Variants in MAN1A2 observed in about 807,000 individuals in gnomAD.
The protein encoded by MAN1A2 is mannosyl-oligosaccharide 1,2-alpha-mannosidase IB.
In MAN1A2, 26 loss-of-function variants were observed where a neutral mutation model predicts 75.7. The ratio of observed to expected loss-of-function variants is 0.34; its 90% CI spans 0.25 to 0.48. The LOEUF is 0.48. Among genes scored for constraint, MAN1A2 ranks in the 20% least tolerant of loss-of-function variants. The pLI is 0.99. For synonymous variants in MAN1A2, 247 were observed against 264.6 expected (o/e 0.93, Z 0.65); for missense variants, 562 against 775.5 (o/e 0.72, Z 3.27).
At chr1:117,514,774 G>A in intron 12 of MAN1A2, 1 of 526,282 alleles carries the variant, frequency 1.9e-6, no homozygotes, top group South Asian at 1.4e-5. Flanking sequence ...GGAAAAAACG[G>A]TTAGAGAAGA....
chr1:117,439,001 A>G (rs1014745711), intron 5 of MAN1A2, among the ~76,000 whole-genome samples: 1 of 152,250 alleles, frequency 6.6e-6, no homozygotes, highest in African/African-American at 2.4e-5. Flanking sequence ...TAGGGAGTCC[A>G]TGAAAAGGTA....
chr1:117,395,577 C>CA (rs1206876342), intron 1 of MAN1A2, among the ~76,000 whole-genome samples: 2 of 151,346 alleles, frequency 1.3e-5, no homozygotes, highest in Non-Finnish European at 2.9e-5. Context: ...GGACAAAACA[C>CA]AAAAAAACAA....
chr1:117,400,990 C>CTT (rs1331948587), intron 1 of MAN1A2, among the ~76,000 whole-genome samples: 10 of 152,144 alleles, frequency 6.6e-5, no homozygotes, highest in Admixed American at 1.3e-4. Flanking sequence ...ACCTGAAACT[C>CTT]TGTCTGTACC....
chr1:117,451,963 G>A (rs549451858), intron 6 of MAN1A2, among the ~76,000 whole-genome samples: 2 of 152,160 alleles, frequency 1.3e-5, no homozygotes, highest in East Asian at 1.9e-4. Flanking sequence ...ACTCCAGCCT[G>A]GGGGACAGAG....
intron 1 of MAN1A2, among the ~76,000 whole-genome samples, chr1:117,379,194 C>T (rs763536682): frequency 1.3e-5 from 2 of 151,594 alleles, no homozygotes; most frequent in African/African-American, 4.8e-5. Context: ...TATATTTTTC[C>T]GTATGGGTAT....
rs1173999168 is a variant in MAN1A2, at chr1:117,474,604, A to G, written c.1168+8177A>G. Reference sequence around the variant, plus strand: ...GTCTCAGTGTTTTAAAAACTGAGTCAAAACAACTAAATTGGTGGAGGTTAC... The same window carrying G: ...GTCTCAGTGTTTTAAAAACTGAGTCGAAACAACTAAATTGGTGGAGGTTAC... On this transcript the variant is annotated intron_variant, in intron 8 of 12. Transcript: ENST00000356554. 1.3e-5 allele frequency among the ~76,000 whole-genome samples: 2 copies of G among 151,030 alleles called. 1 individual carries two copies. Among genetic ancestry groups the G allele is most frequent in the African/African-American group, 4.9e-5 (2 of 40,518 alleles).
chr1:117,503,356 A>C (rs945581255), intron 12 of MAN1A2, among the ~76,000 whole-genome samples: 3 of 151,534 alleles, frequency 2.0e-5, no homozygotes, highest in Non-Finnish European at 4.4e-5. Context: ...TCCTGGACTC[A>C]TACCTGAGCT....
intron 12 of MAN1A2, among the ~76,000 whole-genome samples, chr1:117,516,256 G>A (rs1383646558): frequency 6.6e-6 from 1 of 152,090 alleles, no homozygotes; most frequent in Non-Finnish European, 1.5e-5. Flanking sequence ...AGGAAGAAAA[G>A]TAACTGATTA....
Position 117,405,721 on chromosome 1 carries a change from A to G in MAN1A2, c.655+76A>G, listed in dbSNP as rs1647592428. ...AAAACAAGATGTAACTTTTCAAAGTACTTTCTAAAATCTGAGTATTTCTGT... is the reference window on the plus strand; with the variant it reads ...AAAACAAGATGTAACTTTTCAAAGTGCTTTCTAAAATCTGAGTATTTCTGT... On this transcript the variant is annotated intron_variant, in intron 3 of 12. Transcript: ENST00000356554. The G allele has an allele frequency of 1.0e-5, 9 of 873,292 alleles. No homozygotes were observed. The Admixed American group carries it at 1.6e-4, about 15-fold the overall frequency. The allele number at this position is 873,292 out of a possible 1,614,324, so 54.1% of individuals were successfully genotyped here.
At chr1:117,396,064 G>A (rs1204685521) in intron 1 of MAN1A2, among the ~76,000 whole-genome samples, 1 of 152,192 alleles carries the variant, frequency 6.6e-6, no homozygotes, top group Non-Finnish European at 1.5e-5. Flanking sequence ...AAGCTTCAGT[G>A]TATAGAGTTT....
chr1:117,490,352 G>T (rs534324198), intron 8 of MAN1A2, among the ~76,000 whole-genome samples: 1 of 151,834 alleles, frequency 6.6e-6, no homozygotes. Context: ...TTAGTATTAT[G>T]TATGTTATAG....
At chr1:117,379,238 G>C (rs532980505) in intron 1 of MAN1A2, among the ~76,000 whole-genome samples, 4 of 151,350 alleles carry the variant, frequency 2.6e-5, no homozygotes, top group Non-Finnish European at 5.9e-5. Context: ...TGAAGAGTCT[G>C]TTTTTTTCTC....
chr1:117,438,093 G>A (rs992312129), intron 5 of MAN1A2, among the ~76,000 whole-genome samples: 9 of 152,174 alleles, frequency 5.9e-5, no homozygotes, highest in Admixed American at 2.6e-4. Flanking sequence ...ATACAGTCAT[G>A]TACCACATAA....
intron 9 of MAN1A2, chr1:117,494,667 A>C (rs1355572006): frequency 1.3e-5 from 2 of 152,074 alleles, no homozygotes; most frequent in African/African-American, 2.4e-5. Flanking sequence ...AATTGAACTA[A>C]AGGTACAACC....
chr1:117,392,165 T>G (rs539875853), intron 1 of MAN1A2, among the ~76,000 whole-genome samples: 1 of 152,218 alleles, frequency 6.6e-6, no homozygotes, highest in African/African-American at 2.4e-5. Flanking sequence ...AAGTTGAAGT[T>G]CTTTAGTGCC....
intron 10 of MAN1A2, among the ~76,000 whole-genome samples, chr1:117,498,160 G>A (rs1182062121): frequency 1.3e-5 from 2 of 151,764 alleles, no homozygotes; most frequent in Non-Finnish European, 2.9e-5. Context: ...TATAATGGCA[G>A]CGATCTGAGT....
At chr1:117,465,264 G>C (rs922557946) in intron 7 of MAN1A2, among the ~76,000 whole-genome samples, 1 of 152,028 alleles carries the variant, frequency 6.6e-6, no homozygotes, top group African/African-American at 2.4e-5. Context: ...TGATAGATAA[G>C]GAAGAAAAAG....
intron 1 of MAN1A2, among the ~76,000 whole-genome samples, chr1:117,389,583 A>C (rs1238049968): frequency 6.6e-6 from 1 of 152,192 alleles, no homozygotes; most frequent in Non-Finnish European, 1.5e-5. Context: ...ACTGCATTAC[A>C]GGAAGGCCAG....
At chr1:117,383,790 G>T (rs751950765) in intron 1 of MAN1A2, among the ~76,000 whole-genome samples, 1 of 151,748 alleles carries the variant, frequency 6.6e-6, no homozygotes, top group East Asian at 1.9e-4. Flanking sequence ...TGTTGCCCAG[G>T]CTGGAGTGCA....
Sources: allele counts gnomAD v4.1 joint callset (sites outside exome capture counted in the v4.1 genomes callset), GRCh38; gene constraint gnomAD v4.1.1; transcripts MANE v1.5; gene names NCBI Gene and HGNC (gene_info 2026-07-23, HGNC 2026-07-21).